The following DYNC2I1 variants were observed in gnomAD, a reference collection of about 807,000 sequenced individuals.
The protein encoded by DYNC2I1 is cytoplasmic dynein 2 intermediate chain 1.
Under a neutral mutation model 133.4 loss-of-function variants are expected in DYNC2I1, and 89 were observed. The ratio of observed to expected loss-of-function variants is 0.67; its 90% CI spans 0.56 to 0.80. The LOEUF (loss-of-function observed/expected upper bound fraction) is 0.80. DYNC2I1 is among the 30% of genes least tolerant of loss of function. The probability of loss-of-function intolerance (pLI) is 0.00; values close to 1 mark genes in which losing one functional copy is unlikely to be tolerated. For synonymous variants in DYNC2I1, 504 were observed against 484.3 expected (o/e 1.04, Z -0.54); for missense variants, 1,291 against 1,314.5 (o/e 0.98, Z 0.28).
At chr7:158,886,467 A>G (rs1844614650) in intron 6 of DYNC2I1, among the ~76,000 whole-genome samples, 2 of 152,122 alleles carry the variant, frequency 1.3e-5, no homozygotes, top group Non-Finnish European at 2.9e-5. Flanking sequence ...TTGCACTCAC[A>G]AGTTTGTTAA....
intron 5 of DYNC2I1, among the ~76,000 whole-genome samples, chr7:158,881,871 C>G (rs1844064701): frequency 6.6e-6 from 1 of 152,190 alleles, no homozygotes; most frequent in Non-Finnish European, 1.5e-5. Flanking sequence ...AAAGAACACT[C>G]TTGTACCCAT....
chr7:158,852,610 G>A (rs1038203070), upstream of DYNC2I1, among the ~76,000 whole-genome samples: 41 of 151,640 alleles, frequency 2.7e-4, no homozygotes, highest in Middle Eastern at 3.2e-3. Context: ...GTGGTGGGAG[G>A]TGCCTGCAGT....
chr7:158,867,544 G>A (rs946146568), intron 1 of DYNC2I1, among the ~76,000 whole-genome samples: 1 of 152,154 alleles, frequency 6.6e-6, no homozygotes, highest in Non-Finnish European at 1.5e-5. Context: ...GACAGGAGGC[G>A]CTCCAGGTGG....
At chr7:158,936,676 G>A (rs1850789513) in intron 23 of DYNC2I1, among the ~76,000 whole-genome samples, 2 of 152,208 alleles carry the variant, frequency 1.3e-5, no homozygotes, top group South Asian at 2.1e-4. Context: ...TCAGCCAAAG[G>A]AGGCACTCAA....
At chr7:158,879,600 C>A in intron 4 of DYNC2I1, 84 bp from the exon 5 acceptor site, 1 of 1,418,190 alleles carries the variant, frequency 7.1e-7, no homozygotes, top group South Asian at 1.6e-5. Context: ...TTGGATCCGT[C>A]GTTGCAGAAC....
chr7:158,876,340 T>C (rs763877845), intron 3 of DYNC2I1, among the ~76,000 whole-genome samples: 10 of 152,136 alleles, frequency 6.6e-5, no homozygotes, highest in East Asian at 3.9e-4. Flanking sequence ...ACCTTCAGCA[T>C]TGGGGACTAC....
At chr7:158,901,165 G>C (rs968340814) in intron 8 of DYNC2I1, among the ~76,000 whole-genome samples, 1 of 152,120 alleles carries the variant, frequency 6.6e-6, no homozygotes, top group African/African-American at 2.4e-5. Flanking sequence ...CTGCCTCCCA[G>C]GCTCAAGCAG....
At chr7:158,939,312 C>G (rs1215457010) in intron 23 of DYNC2I1, among the ~76,000 whole-genome samples, 3 of 151,942 alleles carry the variant, frequency 2.0e-5, no homozygotes, top group Non-Finnish European at 2.9e-5. Context: ...GGTGCCCATG[C>G]CCACCTGTAG....
chr7:158,855,026 G>C (rs962040029), upstream of DYNC2I1, among the ~76,000 whole-genome samples: 1 of 152,222 alleles, frequency 6.6e-6, no homozygotes, highest in Non-Finnish European at 1.5e-5. Flanking sequence ...TTGGAAGAGG[G>C]TGTTGGGCGA....
rs1046212580 is a variant in DYNC2I1 at position 158,935,996 on chromosome 7, A to G, written c.2778+1447A>G. On this transcript the variant is annotated intron_variant, in intron 23 of 24. Coordinates refer to ENST00000407559, the MANE Select transcript of DYNC2I1 (RefSeq NM_018051.5). ...TCACCTGAGGTAGGGGTTCAAAACC[A>G]TGCTGGCCAACATGGCAAAACTCCG... Among the ~76,000 whole-genome samples the G allele has an allele frequency of 2.0e-5, 3 of 152,292 alleles. No homozygotes were observed. In the South Asian group the frequency reaches 6.2e-4, roughly 32 times the overall value.
chr7:158,880,553 C>G (rs891324619), intron 5 of DYNC2I1, among the ~76,000 whole-genome samples: 8 of 152,016 alleles, frequency 5.3e-5, no homozygotes, highest in Admixed American at 1.3e-4. Context: ...GAGTGAGACT[C>G]TGTCTCTCAA....
In DYNC2I1 at chr7:158,930,424, G is replaced by C. The variant is rs778751239; in HGVS notation, c.2486-31G>C. The C allele has an allele frequency of 1.9e-6, 3 of 1,592,390 alleles. No individual in the cohort carries two copies. The Admixed American group carries it at 5.2e-5, about 27-fold the overall frequency. On this transcript the variant is annotated intron_variant, in intron 20 of 24. Coordinates refer to ENST00000407559, the MANE Select transcript of DYNC2I1 (RefSeq NM_018051.5). ...GATTTTGATTTAGCTTCTATTGAAA[G>C]GTGCATTGATTTTGGTTCATCTCTT...
intron 9 of DYNC2I1, 141 bp downstream of exon 9, chr7:158,901,957 G>C (rs1430011812): frequency 3.1e-6 from 2 of 636,782 alleles, no homozygotes; most frequent in African/African-American, 1.9e-5. Context: ...TTTAGGTCAA[G>C]CTGTTACCTG....
At chr7:158,900,048 T>C (rs1320266303) in intron 8 of DYNC2I1, among the ~76,000 whole-genome samples, 1 of 152,146 alleles carries the variant, frequency 6.6e-6, no homozygotes, top group Admixed American at 6.5e-5. Context: ...TATTTTTCTC[T>C]CAGTACTTTA....
chr7:158,850,819 T>A, the DYNC2I1 span, among the ~76,000 whole-genome samples: 1 of 152,106 alleles, frequency 6.6e-6, no homozygotes, highest in Non-Finnish European at 1.5e-5. Context: ...AAAAATAGTT[T>A]ACATAGGATC....
intron 1 of DYNC2I1, among the ~76,000 whole-genome samples, chr7:158,868,212 C>T (rs181553723): frequency 2.8e-4 from 43 of 152,294 alleles, no homozygotes; most frequent in African/African-American, 1.0e-3. Context: ...AAGACCACGG[C>T]ACCTTGTTAT....
intron 24 of DYNC2I1, among the ~76,000 whole-genome samples, chr7:158,943,501 A>G (rs1019806437): frequency 2.6e-5 from 4 of 152,122 alleles, no homozygotes; most frequent in African/African-American, 9.7e-5. Flanking sequence ...AGGGGGCAGG[A>G]AGGATGGTCC....
intron 3 of DYNC2I1, 29 bp from the exon 4 acceptor site, chr7:158,876,580 G>A (rs755843289): frequency 6.5e-7 from 1 of 1,537,128 alleles, no homozygotes; most frequent in South Asian, 1.3e-5. Context: ...ACATTTGGGA[G>A]TATTAAAAAT....
intron 1 of DYNC2I1, chr7:158,869,523 A>G: frequency 2.1e-6 from 1 of 485,364 alleles, no homozygotes; most frequent in African/African-American, 2.0e-5. Flanking sequence ...TGGAAAATAC[A>G]GTCTGACACA....
Sources: gnomAD v4.1 joint callset for allele counts (sites outside exome capture counted in the v4.1 genomes callset) on GRCh38, gnomAD v4.1.1 for gene constraint, MANE v1.5 for transcripts, NCBI Gene and HGNC (gene_info 2026-07-23, HGNC 2026-07-21) for gene names.